Variants in UBA52 observed in about 807,000 individuals in gnomAD.
UBA52 encodes the protein ubiquitin-ribosomal protein eL40 fusion protein.
Under a neutral mutation model 15.3 loss-of-function variants are expected in UBA52, and 1 was observed. That is an observed-to-expected ratio of 0.07 (90% confidence interval 0.02 to 0.31). The LOEUF is 0.31. Ranked by LOEUF, UBA52 falls within the 10% of genes least tolerant of loss-of-function variation. The pLI is 1.00. For synonymous variants in UBA52, 50 were observed against 58.3 expected (o/e 0.86, Z 0.65); for missense variants, 87 against 168.0 (o/e 0.52, Z 2.66).
chr19:18,565,110 G>A, the UBA52 span: 2,616 of 1,547,662 alleles, frequency 1.7e-3, 2 homozygotes, highest in Middle Eastern at 2.4e-3. Context: ...CAGGGTAAAG[G>A]GAGATTTCTG....
chr19:18,573,849 T>C (rs924031576), intron 3 of UBA52, 101 bp downstream of exon 3: 112 of 1,136,362 alleles, frequency 9.9e-5, no homozygotes, highest in Non-Finnish European at 1.1e-4. Flanking sequence ...AAATGACTTG[T>C]GTTTTGTTTA....
chr19:18,576,576 TA>T lies in UBA52; in HGVS notation c.*1427del, dbSNP rs1350932007. The T allele has an allele frequency of 2.6e-5, 4 of 152,112 alleles. No homozygotes were observed. The highest frequency in any genetic ancestry group is 2.0e-4 in the Admixed American group (3 of 15,254). 9.4% of individuals were successfully genotyped at this position (152,112 alleles called of 1,614,324 possible). ...GCCACCACACTCGGTTAATATTTTG[TA>T]GAGATGGGGTCTTGCTATGTTGCCC... On this transcript the variant is annotated 3_prime_UTR_variant, in exon 5 of 5. Coordinates refer to ENST00000442744, the MANE Select transcript of UBA52 (RefSeq NM_001033930.3).
chr19:18,573,498 G>T, intron 2 of UBA52, 95 bp downstream of exon 2: 1 of 1,322,660 alleles, frequency 7.6e-7, no homozygotes, highest in Non-Finnish European at 1.1e-6. Flanking sequence ...GCTGACTTTA[G>T]ATCTGTTTTG....
chr19:18,568,573 G>T, upstream of UBA52: 1 of 1,613,436 alleles, frequency 6.2e-7, no homozygotes. Context: ...GTCCAGCCTG[G>T]CTCCCCAGCC....
rs1975783823 is a variant in UBA52, at chr19:18,576,379, T to G, written c.*1229T>G. 6.6e-6 allele frequency: 1 copy of G among 152,252 alleles called. No individual in the cohort carries two copies. Among genetic ancestry groups the G allele is most frequent in the Non-Finnish European group, 1.5e-5 (1 of 68,108 alleles). The allele number at this position is 152,252 out of a possible 1,614,324, so 9.4% of individuals were successfully genotyped here. On this transcript the variant is annotated 3_prime_UTR_variant, in exon 5 of 5. Transcript: ENST00000442744. ...TGGGCAAATCATAAGGTCAAGAGTT[T>G]TTTAGATGGGGTGAGCACAGACCAA...
chr19:18,574,160 T>G (rs1975656006), intron 3 of UBA52, among the ~76,000 whole-genome samples: 1 of 151,084 alleles, frequency 6.6e-6, no homozygotes, highest in African/African-American at 2.4e-5. Flanking sequence ...GGTGCGTGCC[T>G]GTAGTCCCAG....
chr19:18,576,065 CTGAGGCCG>C lies in UBA52; in HGVS notation c.*919_*926del, dbSNP rs1446378265. The C allele has an allele frequency of 2.0e-5, 3 of 152,392 alleles. No individual in the cohort carries two copies. The highest frequency in any genetic ancestry group is 7.2e-5 in the African/African-American group (3 of 41,582). The allele number at this position is 152,392 out of a possible 1,614,324, so 9.4% of individuals were successfully genotyped here. A position where few individuals can be genotyped will look rare whatever the true frequency, so the allele number is the denominator to read the frequency against. The stretch of plus-strand genomic sequence containing the variant: ...CTGGCCCAGTTACTCAGTTTTGAAT[CTGAGGCCG>C]TGACATCACTCATGGTCTGCAGTCA... On this transcript the variant is annotated 3_prime_UTR_variant, in exon 5 of 5. Transcript: ENST00000442744.
At chr19:18,565,421 G>A in the UBA52 span, among the ~76,000 whole-genome samples, 1 of 152,110 alleles carries the variant, frequency 6.6e-6, no homozygotes, top group Non-Finnish European at 1.5e-5. Context: ...AGTGGAGATG[G>A]GGTTTCACCG....
chr19:18,573,858 T>A, intron 3 of UBA52, 110 bp downstream of exon 3: 2 of 1,041,680 alleles, frequency 1.9e-6, no homozygotes, highest in Non-Finnish European at 2.8e-6. Flanking sequence ...GTGTTTTGTT[T>A]AAAATAATGG....
upstream of UBA52, among the ~76,000 whole-genome samples, chr19:18,568,236 T>C (rs1975352762): frequency 1.4e-5 from 2 of 140,446 alleles, no homozygotes; most frequent in Non-Finnish European, 3.0e-5. Context: ...CATTGCACTC[T>C]AGCCTGGGCA....
chr19:18,572,264 C>G (rs1975530043), intron 1 of UBA52: 1 of 152,260 alleles, frequency 6.6e-6, no homozygotes, highest in Non-Finnish European at 1.5e-5. Context: ...GTCTTCATAC[C>G]TGGCTCCATT....
At position 18,574,215 on chromosome 19, in the gene UBA52, C is replaced by A. The variant is rs369701738; in HGVS notation, c.190+467C>A. ...AGGAGAATTGCTTGAACTCGGGAGA[C>A]AAAAAAAAAAAGTCATAATGTGAAT... On this transcript the variant is annotated intron_variant, in intron 3 of 4. Transcript: ENST00000442744. Among the ~76,000 whole-genome samples, 102 of 143,804 alleles carry A rather than the reference C, an allele frequency of 7.1e-4. 1 individual carries two copies. The highest frequency in any genetic ancestry group is 9.2e-4 in the African/African-American group (36 of 39,296). 94.3% of individuals were successfully genotyped at this position (143,804 alleles called of 152,430 possible).
chr19:18,571,528 A>AT (rs1555752750), upstream of UBA52, among the ~76,000 whole-genome samples: 2 of 152,206 alleles, frequency 1.3e-5, no homozygotes, highest in Admixed American at 6.5e-5. Context: ...CCTCTGCTTA[A>AT]TACCTTTGCT....
upstream of UBA52, among the ~76,000 whole-genome samples, chr19:18,570,108 G>C (rs1296486446): frequency 6.6e-6 from 1 of 152,192 alleles, no homozygotes; most frequent in African/African-American, 2.4e-5. Context: ...TGGTATAGTA[G>C]TGCCTGCAAA....
the UBA52 span, chr19:18,564,971 G>T: frequency 6.2e-7 from 1 of 1,611,572 alleles, no homozygotes. Flanking sequence ...ACCACACGAG[G>T]ACCCTAGTAG....
At chr19:18,574,663 C>G (rs763855132) in intron 3 of UBA52, among the ~76,000 whole-genome samples, 1 of 152,206 alleles carries the variant, frequency 6.6e-6, no homozygotes, top group African/African-American at 2.4e-5. Flanking sequence ...CCCCCCAGGG[C>G]TCGTGGTCAG....
rs999671358 is a variant in UBA52, at chr19:18,573,242, A to T, written c.-8-51A>T. 99 of 1,535,872 alleles carry T rather than the reference A, an allele frequency of 6.4e-5. No homozygotes were observed. The African/African-American group carries it at 1.3e-3, about 19-fold the overall frequency. ...TGGTGTAGGCACCTGAGCTTGTGCT[A>T]CTCAGGCATGCATTGCTCACCAGTC... On this transcript the variant is annotated intron_variant, in intron 1 of 4. Transcript: ENST00000442744.
At chr19:18,566,455 C>A in the UBA52 span, among the ~76,000 whole-genome samples, 109 of 116,556 alleles carry the variant, frequency 9.4e-4, no homozygotes, top group East Asian at 1.8e-3. Context: ...GACTCCGTCT[C>A]AAAAAAAAAA....
upstream of UBA52, chr19:18,567,319 AG>A (rs1975297467): frequency 2.1e-5 from 17 of 824,166 alleles, no homozygotes; most frequent in South Asian, 2.6e-4. Flanking sequence ...GGGTGGGGGC[AG>A]GGTCAGGGTG....
Sources: allele counts gnomAD v4.1 joint callset (sites outside exome capture counted in the v4.1 genomes callset), GRCh38; gene constraint gnomAD v4.1.1; transcripts MANE v1.5; gene names NCBI Gene and HGNC (gene_info 2026-07-23, HGNC 2026-07-21).